Variants in BNC2 observed in about 807,000 individuals in gnomAD.
The protein encoded by BNC2 is zinc finger protein basonuclin-2.
A neutral mutation model predicts 76.3 loss-of-function variants in BNC2; 20 were observed. The ratio of observed to expected loss-of-function variants is 0.26; its 90% CI spans 0.18 to 0.38. The LOEUF is 0.38. Ranked by LOEUF, BNC2 falls within the 10% of genes least tolerant of loss-of-function variation. The pLI is 1.00. For synonymous variants in BNC2, 582 were observed against 514.8 expected (o/e 1.13, Z -1.77); for missense variants, 1,382 against 1,399.8 (o/e 0.99, Z 0.20).
intron 1 of BNC2, among the ~76,000 whole-genome samples, chr9:16,851,855 C>T (rs550131546): frequency 2.6e-5 from 4 of 152,160 alleles, no homozygotes; most frequent in African/African-American, 9.7e-5. Flanking sequence ...ATACTTCTCA[C>T]ACATATGTTA....
At chr9:16,756,545 T>C (rs1365084634) in intron 1 of BNC2, among the ~76,000 whole-genome samples, 4 of 152,204 alleles carry the variant, frequency 2.6e-5, no homozygotes, top group East Asian at 1.9e-4. Context: ...AAGAGGACCC[T>C]GTAAGATTTG....
intron 1 of BNC2, among the ~76,000 whole-genome samples, chr9:16,774,520 A>G (rs992816489): frequency 1.3e-5 from 2 of 152,238 alleles, no homozygotes; most frequent in East Asian, 1.9e-4. Context: ...GACATTTGGA[A>G]TATCTATGAT....
chr9:16,615,021 A>C (rs1820660458), intron 3 of BNC2, among the ~76,000 whole-genome samples: 5 of 145,518 alleles, frequency 3.4e-5, no homozygotes, highest in East Asian at 2.0e-4. Context: ...CAGGCCAGTT[A>C]CCTTTCCACA....
intron 1 of BNC2, among the ~76,000 whole-genome samples, chr9:16,865,051 AAG>A: frequency 6.6e-6 from 1 of 151,520 alleles, no homozygotes; most frequent in East Asian, 1.9e-4. Context: ...AAAAAAAAAA[AAG>A]ACACTGAAAA....
At chr9:16,798,734 C>T (rs547860981) in intron 1 of BNC2, among the ~76,000 whole-genome samples, 1 of 152,312 alleles carries the variant, frequency 6.6e-6, no homozygotes, top group South Asian at 2.1e-4. Context: ...AATTATTCCC[C>T]TATGCTCCCC....
chr9:16,648,878 T>C (rs1821713987), intron 3 of BNC2, among the ~76,000 whole-genome samples: 1 of 152,188 alleles, frequency 6.6e-6, no homozygotes, highest in Non-Finnish European at 1.5e-5. Context: ...ACCATGCACA[T>C]AAGGGCAGTG....
chr9:16,665,495 A>G (rs1033484584), intron 3 of BNC2, among the ~76,000 whole-genome samples: 2 of 151,314 alleles, frequency 1.3e-5, no homozygotes, highest in East Asian at 2.0e-4. Flanking sequence ...AGAAAGAGAG[A>G]GAGAGAAATC....
chr9:16,762,825 C>A (rs1289631578), intron 1 of BNC2, among the ~76,000 whole-genome samples: 1 of 152,116 alleles, frequency 6.6e-6, no homozygotes, highest in South Asian at 2.1e-4. Context: ...AATAAAATAA[C>A]AGTAATGATA....
intron 4 of BNC2, among the ~76,000 whole-genome samples, chr9:16,553,611 T>C (rs1818731522): frequency 6.6e-6 from 1 of 152,196 alleles, no homozygotes; most frequent in Non-Finnish European, 1.5e-5. Flanking sequence ...AACTGTATTA[T>C]CTCAGTAGAA....
chr9:16,462,786 G>A (rs1404958773), intron 5 of BNC2, among the ~76,000 whole-genome samples: 1 of 152,090 alleles, frequency 6.6e-6, no homozygotes, highest in Non-Finnish European at 1.5e-5. Context: ...TTGACAAAGA[G>A]ATGCCCCTCC....
intron 1 of BNC2, among the ~76,000 whole-genome samples, chr9:16,807,110 T>C (rs1429217547): frequency 1.3e-5 from 2 of 152,238 alleles, no homozygotes; most frequent in Non-Finnish European, 2.9e-5. Flanking sequence ...TAGGCAAAGT[T>C]ATATTTCTCT....
In BNC2 at chr9:16,552,614, G is replaced by A. The variant is rs369236647; in HGVS notation, c.585C>T (p.Ser195=). Residue 195 remains serine, a synonymous_variant, in exon 5 of 7, where the codon AGC becomes AGT. Transcript: ENST00000380672. ...RLKILLDRLF[S]VLKQEEVLHI... ...GCAGTACCTCCTCTTGCTTCAGGACGCTGAAGAGACGGTCCAGCAGGATCT... is the reference window on the plus strand; with the variant it reads ...GCAGTACCTCCTCTTGCTTCAGGACACTGAAGAGACGGTCCAGCAGGATCT... 2.5e-5 allele frequency: 40 copies of A among 1,614,102 alleles called. No individual in the cohort carries two copies. The African/African-American group carries it at 3.2e-4, about 13-fold the overall frequency.
intron 6 of BNC2, among the ~76,000 whole-genome samples, chr9:16,427,693 G>A (rs1028875862): frequency 1.2e-4 from 19 of 152,136 alleles, no homozygotes; most frequent in African/African-American, 3.9e-4. Context: ...TCCCAGTCAC[G>A]CATGAGGATC....
intron 3 of BNC2, among the ~76,000 whole-genome samples, chr9:16,601,993 G>A (rs2133311330): frequency 6.6e-6 from 1 of 152,244 alleles, no homozygotes; most frequent in South Asian, 2.1e-4. Context: ...AAAGTATGGA[G>A]CCATATACAG....
rs1824269530 is a variant in BNC2 at position 16,725,046 on chromosome 9, C to T, written c.330+2751G>A. Among the ~76,000 whole-genome samples, 2 of 151,948 alleles carry T rather than the reference C, an allele frequency of 1.3e-5. 1 individual carries two copies. The highest frequency in any genetic ancestry group is 4.2e-4 in the South Asian group (2 of 4,806). On this transcript the variant is annotated intron_variant, in intron 3 of 6. Coordinates refer to ENST00000380672, the MANE Select transcript of BNC2 (RefSeq NM_017637.6). ...ATAAAATAATCATAATCTAGAGAAACCTCTTTATGCCTCAGCAATGAGATG... is the reference window on the plus strand; with the variant it reads ...ATAAAATAATCATAATCTAGAGAAATCTCTTTATGCCTCAGCAATGAGATG...
At chr9:16,438,120 G>C (rs1458393473) in intron 5 of BNC2, among the ~76,000 whole-genome samples, 2 of 146,660 alleles carry the variant, frequency 1.4e-5, no homozygotes, top group Non-Finnish European at 3.0e-5. Flanking sequence ...TTTTTTTTTT[G>C]AGTGGCTATA....
chr9:16,699,627 A>G (rs1487472239), intron 3 of BNC2, among the ~76,000 whole-genome samples: 1 of 152,242 alleles, frequency 6.6e-6, no homozygotes, highest in Non-Finnish European at 1.5e-5. Flanking sequence ...GCAATCTACA[A>G]TAGTAACAGA....
Position 16,788,519 on chromosome 9 carries a change from C to G in BNC2, c.4-50034G>C, listed in dbSNP as rs187786124. On this transcript the variant is annotated intron_variant, in intron 1 of 6. Transcript: ENST00000380672. ...AGTGAGCCGAGATGACGCCACTGCA[C>G]TCCACCCTGGGCGACAGAGCAACAC... Among the ~76,000 whole-genome samples the G allele has an allele frequency of 5.5e-3, 816 of 148,502 alleles. 8 individuals are homozygous for G. The highest frequency in any genetic ancestry group is 0.019 in the African/African-American group (762 of 40,138).
At position 16,411,777 on chromosome 9, in the gene BNC2, G is replaced by C. The variant is rs1181053701; in HGVS notation, c.*7212C>G. On this transcript the variant is annotated 3_prime_UTR_variant, in exon 7 of 7. Coordinates refer to ENST00000380672, the MANE Select transcript of BNC2 (RefSeq NM_017637.6). ...TTCTCTCCTTGCTAAAGTTCATATG[G>C]AAGATGATACCGATACCTGCACGTG... 1 of 152,442 alleles carries C rather than the reference G, an allele frequency of 6.6e-6. No homozygotes were observed. The highest frequency in any genetic ancestry group is 2.4e-5 in the African/African-American group (1 of 41,418). The allele number at this position is 152,442 out of a possible 1,614,324, so 9.4% of individuals were successfully genotyped here.
Sources: allele counts gnomAD v4.1 joint callset (sites outside exome capture counted in the v4.1 genomes callset), GRCh38; gene constraint gnomAD v4.1.1; transcripts MANE v1.5; gene names NCBI Gene and HGNC (gene_info 2026-07-23, HGNC 2026-07-21).